The following HCRTR2 variants were observed in gnomAD, a reference collection of about 807,000 sequenced individuals.
HCRTR2 encodes the protein orexin receptor type 2.
Under a neutral mutation model 49.0 loss-of-function variants are expected in HCRTR2, and 22 were observed. That is an observed-to-expected ratio of 0.45 (90% CI 0.32 to 0.64). The LOEUF (loss-of-function observed/expected upper bound fraction) is 0.64. Ranked by LOEUF, HCRTR2 falls within the 30% of genes least tolerant of loss-of-function variation. The pLI, the probability that HCRTR2 is intolerant of heterozygous loss-of-function variation, is 0.04. For missense variants in HCRTR2, 491 were observed against 559.4 expected (o/e 0.88, Z 1.23); for synonymous variants, 236 against 205.3 (o/e 1.15, Z -1.28).
At chr6:55,196,141 A>G (rs1323254779) in intron 1 of HCRTR2, among the ~76,000 whole-genome samples, 1 of 152,186 alleles carries the variant, frequency 6.6e-6, no homozygotes, top group Non-Finnish European at 1.5e-5. Flanking sequence ...CCCAACAACT[A>G]CACTCCTGTT....
intron 1 of HCRTR2, among the ~76,000 whole-genome samples, chr6:55,127,880 T>TA (rs1764303300): frequency 6.6e-6 from 1 of 152,190 alleles, no homozygotes; most frequent in South Asian, 2.1e-4. Flanking sequence ...ATTGTCTGTT[T>TA]ACTCTGTTGG....
chr6:55,192,779 C>A lies in HCRTR2; in HGVS notation c.223+17969C>A, dbSNP rs140673220. On this transcript the variant is annotated intron_variant, in intron 1 of 6. Transcript: ENST00000370862. ...CATGTTAATCTACATACTCAATCTA[C>A]GTAACAACTGGATATATCCTGTAGT... 3.5e-3 allele frequency among the ~76,000 whole-genome samples: 526 copies of A among 152,284 alleles called. 1 individual carries two copies. Among genetic ancestry groups the A allele is most frequent in the South Asian group, 8.9e-3 (43 of 4,828 alleles).
rs935147099 is a variant in HCRTR2 at position 55,174,721 on chromosome 6, G to A, written c.134G>A (p.Arg45Lys). ...GAGGAATTCCTGCGGTACCTGTGGA[G>A]GGAATACCTGCACCCGAAAGAATAT... ...DDEEFLRYLW[R>K]EYLHPKEYEW... Residue 45 changes from arginine (R) to lysine (K), a missense_variant, in exon 1 of 7, where the codon AGG (arginine) becomes AAG (lysine). Physicochemically the swap from Arg to Lys is conservative, Grantham distance 26. Coordinates refer to ENST00000370862, the MANE Select transcript of HCRTR2 (RefSeq NM_001384272.1). The A allele has an allele frequency of 4.3e-6, 7 of 1,614,006 alleles. No individual in the cohort carries two copies. The African/African-American group carries it at 6.7e-5, about 15-fold the overall frequency.
At chr6:55,252,044 A>T (rs1225936793) in intron 2 of HCRTR2, among the ~76,000 whole-genome samples, 1 of 152,166 alleles carries the variant, frequency 6.6e-6, no homozygotes, top group Non-Finnish European at 1.5e-5. Flanking sequence ...GATAAAATGC[A>T]ATTTTACATC....
chr6:55,227,405 A>G (rs771328498), intron 1 of HCRTR2, among the ~76,000 whole-genome samples: 1 of 152,052 alleles, frequency 6.6e-6, no homozygotes, highest in Admixed American at 6.5e-5. Context: ...ATCCAATTCT[A>G]TTTCTTTTCC....
At chr6:55,205,558 G>A (rs1048893385) in intron 1 of HCRTR2, among the ~76,000 whole-genome samples, 1 of 152,052 alleles carries the variant, frequency 6.6e-6, no homozygotes, top group Non-Finnish European at 1.5e-5. Flanking sequence ...AAAGTAAGTA[G>A]AGTGAATTCA....
At chr6:55,124,392 C>A (rs1339522533) in intron 1 of HCRTR2, among the ~76,000 whole-genome samples, 1 of 152,166 alleles carries the variant, frequency 6.6e-6, no homozygotes, top group Non-Finnish European at 1.5e-5. Flanking sequence ...TATTCAGGAG[C>A]AGGCTGTTCA....
chr6:55,159,562 C>A (rs1468692580), intron 1 of HCRTR2, among the ~76,000 whole-genome samples: 1 of 152,088 alleles, frequency 6.6e-6, no homozygotes, highest in Non-Finnish European at 1.5e-5. Flanking sequence ...CATGTTCTAA[C>A]CCAATGCAAG....
chr6:55,171,787 G>C (rs1764953375), upstream of HCRTR2, among the ~76,000 whole-genome samples: 1 of 152,114 alleles, frequency 6.6e-6, no homozygotes, highest in African/African-American at 2.4e-5. Flanking sequence ...ATTAATTGTA[G>C]GTGGAAGATT....
intron 1 of HCRTR2, among the ~76,000 whole-genome samples, chr6:55,147,315 T>C (rs1764608492): frequency 6.6e-6 from 1 of 152,176 alleles, no homozygotes; most frequent in South Asian, 2.1e-4. Context: ...ATGTTGTTAC[T>C]CTTTCTAGTG....
Position 55,277,421 on chromosome 6 carries a change from C to G in HCRTR2, c.804C>G (p.Pro268=). The part of the protein sequence containing the change: ...TSSVVQRKWK[P]LQPVSQPRGP... ...CTGTAGTTCAGAGAAAATGGAAGCCCCTGCAGCCTGTTTCACAGCCTCGAG... is the reference window on the plus strand; with the variant it reads ...CTGTAGTTCAGAGAAAATGGAAGCCGCTGCAGCCTGTTTCACAGCCTCGAG... Residue 268 remains proline, a synonymous_variant, in exon 5 of 7, where the codon CCC becomes CCG. Transcript: ENST00000370862. The G allele has an allele frequency of 6.2e-7, 1 of 1,614,104 alleles. No individual in the cohort carries two copies. The highest frequency in any genetic ancestry group is 1.7e-5 in the Admixed American group (1 of 59,994).
chr6:55,118,209 T>C (rs1324548004), intron 1 of HCRTR2, among the ~76,000 whole-genome samples: 1 of 151,924 alleles, frequency 6.6e-6, no homozygotes, highest in Non-Finnish European at 1.5e-5. Flanking sequence ...GCTCCATCCA[T>C]GTTCCTATAA....
Position 55,174,824 on chromosome 6 carries a change from C to G in HCRTR2, c.223+14C>G, listed in dbSNP as rs775309537. On this transcript the variant is annotated intron_variant, in intron 1 of 6. Coordinates refer to ENST00000370862, the MANE Select transcript of HCRTR2 (RefSeq NM_001384272.1). ...GGAACGTCCTGGGTGAGTCTCCTCC[C>G]GGGCAGCCCTCCTAGGGGCTATCAC... The G allele has an allele frequency of 6.2e-7, 1 of 1,610,042 alleles. No individual in the cohort carries two copies. The highest frequency in any genetic ancestry group is 8.5e-7 in the Non-Finnish European group (1 of 1,176,430).
At position 55,142,369 on chromosome 6, in the gene HCRTR2, T is replaced by C. The variant is rs1013460173; in HGVS notation, c.-377-31842T>C. Among the ~76,000 whole-genome samples the C allele has an allele frequency of 2.0e-5, 3 of 150,380 alleles. No homozygotes were observed. The South Asian group carries it at 6.3e-4, about 32-fold the overall frequency. The stretch of plus-strand genomic sequence containing the variant: ...CCGCCACCACGCCCTGTTAATTTTT[T>C]TTTTTTTTTTTTGTATTTTTAATAG... On this transcript the variant is annotated intron_variant, in intron 1 of 7. Transcript: ENST00000615358.
chr6:55,250,843 C>T (rs923582094), intron 2 of HCRTR2, among the ~76,000 whole-genome samples: 3 of 152,146 alleles, frequency 2.0e-5, no homozygotes, highest in Non-Finnish European at 4.4e-5. Flanking sequence ...TCCTTAGCTG[C>T]TCCTCTTCTC....
chr6:55,172,511 T>G (rs1161392537), upstream of HCRTR2, among the ~76,000 whole-genome samples: 1 of 152,180 alleles, frequency 6.6e-6, no homozygotes, highest in Admixed American at 6.5e-5. Context: ...TGCCCATTGA[T>G]GCCCTTCTCT....
intron 1 of HCRTR2, among the ~76,000 whole-genome samples, chr6:55,154,663 T>C (rs1238601169): frequency 6.6e-6 from 1 of 151,090 alleles, no homozygotes; most frequent in Non-Finnish European, 1.5e-5. Flanking sequence ...AGTCCTAGTC[T>C]GGACAATTGG....
At chr6:55,189,653 G>A (rs552250151) in intron 1 of HCRTR2, among the ~76,000 whole-genome samples, 11 of 152,148 alleles carry the variant, frequency 7.2e-5, no homozygotes, top group Non-Finnish European at 1.6e-4. Flanking sequence ...GACTATGGGA[G>A]GGAGACCATC....
intron 1 of HCRTR2, among the ~76,000 whole-genome samples, chr6:55,159,894 A>G (rs12662411): frequency 0.074 from 11,202 of 152,262 alleles, 1,327 homozygotes; most frequent in East Asian, 0.48. Context: ...GGAGAAAGGA[A>G]TCAAGTTGGA....
Sources: allele counts gnomAD v4.1 joint callset (sites outside exome capture counted in the v4.1 genomes callset), GRCh38; gene constraint gnomAD v4.1.1; transcripts MANE v1.5; gene names NCBI Gene and HGNC (gene_info 2026-07-23, HGNC 2026-07-21).